Variants in ARHGAP6 observed in about 807,000 individuals in gnomAD.
ARHGAP6 encodes Rho GTPase activating protein 6.
Under a neutral mutation model 55.7 loss-of-function variants are expected in ARHGAP6, and 16 were observed. That is an observed-to-expected ratio of 0.29 (90% CI 0.19 to 0.44). ARHGAP6 has a LOEUF of 0.44. Ranked by LOEUF, ARHGAP6 falls within the 20% of genes least tolerant of loss-of-function variation. The probability of loss-of-function intolerance (pLI) is 1.00; values close to 1 mark genes in which losing one functional copy is unlikely to be tolerated. For missense variants in ARHGAP6, 698 were observed against 808.9 expected, an observed-to-expected ratio of 0.86 and a Z score of 1.66; for synonymous variants, 382 against 360.9, an observed-to-expected ratio of 1.06 and a Z score of -0.66.
At position 11,512,089 on chromosome X, in the gene ARHGAP6, G is replaced by C. The variant is rs766128410; in HGVS notation, c.588+152152C>G. Among the ~76,000 whole-genome samples, 7 of 111,604 alleles carry C rather than the reference G, an allele frequency of 6.3e-5. No homozygotes were observed. The South Asian group carries it at 2.6e-3, about 42-fold the overall frequency. On this transcript the variant is annotated intron_variant, in intron 1 of 12. Transcript: ENST00000337414. Reference sequence around the variant, plus strand: ...GATCTGTCCGCCTTGGCCTCCCAAAGTGCTGGGATTACAGGTGTGAGCCAC... The same window carrying C: ...GATCTGTCCGCCTTGGCCTCCCAAACTGCTGGGATTACAGGTGTGAGCCAC...
intron 1 of ARHGAP6, among the ~76,000 whole-genome samples, chrX:11,591,326 T>C (rs1407340658): frequency 4.5e-5 from 5 of 110,020 alleles, no homozygotes; most frequent in Non-Finnish European, 9.5e-5. Flanking sequence ...GGATTACTTT[T>C]TAACAACAGC....
At chrX:11,477,971 A>C (rs2050420464) in intron 1 of ARHGAP6, among the ~76,000 whole-genome samples, 1 of 112,178 alleles carries the variant, frequency 8.9e-6, no homozygotes, top group Admixed American at 9.4e-5. Flanking sequence ...TTAAGATGGC[A>C]TATTTTATTG....
chrX:11,461,294 G>A (rs1261376984), intron 1 of ARHGAP6, among the ~76,000 whole-genome samples: 4 of 112,043 alleles, frequency 3.6e-5, no homozygotes, highest in Non-Finnish European at 5.6e-5. Context: ...ACATGTTCAC[G>A]AAAGAGTAAG....
intron 1 of ARHGAP6, among the ~76,000 whole-genome samples, chrX:11,618,195 C>T (rs762147228): frequency 2.7e-5 from 3 of 111,419 alleles, no homozygotes; most frequent in East Asian, 2.8e-4. Flanking sequence ...TCCCTAGACC[C>T]TCCAGAATAA....
intron 7 of ARHGAP6, among the ~76,000 whole-genome samples, chrX:11,178,810 T>C: frequency 8.9e-6 from 1 of 111,949 alleles, no homozygotes. Context: ...GGCCTATCTC[T>C]CCTCTACCTC....
intron 1 of ARHGAP6, among the ~76,000 whole-genome samples, chrX:11,339,159 C>A (rs1462227899): frequency 8.9e-6 from 1 of 112,271 alleles, no homozygotes; most frequent in African/African-American, 3.2e-5. Context: ...AGGTGCTCAA[C>A]AAATATTTGC....
chrX:11,558,836 CAAAAAAAAAAAAAAAA>C (rs58936931), intron 1 of ARHGAP6, among the ~76,000 whole-genome samples: 10,539 of 30,545 alleles, frequency 0.35, 920 homozygotes, highest in South Asian at 0.54. Context: ...GATTCCATCT[CAAAAAAAAAAAAAAAA>C]AAAAAAAAAA....
chrX:11,529,881 C>A (rs1471276606), intron 1 of ARHGAP6, among the ~76,000 whole-genome samples: 2 of 111,653 alleles, frequency 1.8e-5, no homozygotes, highest in Non-Finnish European at 3.8e-5. Context: ...TCAGGAAATA[C>A]AACTTATTTC....
intron 1 of ARHGAP6, among the ~76,000 whole-genome samples, chrX:11,275,534 CT>C (rs764890146): frequency 5.8e-4 from 65 of 111,681 alleles, no homozygotes; most frequent in Non-Finnish European, 1.1e-4. Flanking sequence ...TCCTTTAACA[CT>C]TCCTCTCTGG....
chrX:11,277,710 T>TAA (rs543163653), intron 1 of ARHGAP6, among the ~76,000 whole-genome samples: 7 of 107,809 alleles, frequency 6.5e-5, no homozygotes, highest in South Asian at 4.0e-4. Flanking sequence ...TTTTTTTTTT[T>TAA]AAAAAAAAAT....
chrX:11,359,695 C>T (rs1393900121), intron 1 of ARHGAP6, among the ~76,000 whole-genome samples: 1 of 111,387 alleles, frequency 9.0e-6, no homozygotes, highest in Non-Finnish European at 1.9e-5. Context: ...AAAAACCCTT[C>T]AAAAAATTAA....
chrX:11,220,570 C>T (rs1425610611), intron 2 of ARHGAP6, among the ~76,000 whole-genome samples: 1 of 104,472 alleles, frequency 9.6e-6, no homozygotes, highest in African/African-American at 3.6e-5. Context: ...TACTTTACAG[C>T]CAAGCAAATG....
intron 1 of ARHGAP6, among the ~76,000 whole-genome samples, chrX:11,360,186 G>A (rs1216629391): frequency 1.6e-4 from 18 of 111,429 alleles, no homozygotes; most frequent in South Asian, 7.5e-4. Context: ...TACCAAAGCC[G>A]GGCAGAGACA....
chrX:11,182,902 C>T (rs1419766386), intron 5 of ARHGAP6, among the ~76,000 whole-genome samples: 2 of 111,034 alleles, frequency 1.8e-5, no homozygotes, highest in Admixed American at 1.9e-4. Flanking sequence ...AGGTGTGAGC[C>T]ACTGTGCCTA....
Position 11,548,210 on chromosome X carries a change from T to C in ARHGAP6, c.588+116031A>G, listed in dbSNP as rs1238260028. Among the ~76,000 whole-genome samples, 5 of 112,475 alleles carry C rather than the reference T, an allele frequency of 4.4e-5. No homozygotes were observed. In the East Asian group the frequency reaches 1.4e-3, roughly 31 times the overall value. On this transcript the variant is annotated intron_variant, in intron 1 of 12. Transcript: ENST00000337414. ...ATATATACAATGTGTAATGATCAAA[T>C]CAAGGTAATTAGCATATCTCCTGCC...
intron 1 of ARHGAP6, among the ~76,000 whole-genome samples, chrX:11,588,139 C>A (rs1230990511): frequency 8.9e-6 from 1 of 112,294 alleles, no homozygotes; most frequent in Non-Finnish European, 1.9e-5. Flanking sequence ...AATCTCCTGG[C>A]TTCCATCTCT....
Position 11,244,585 on chromosome X carries a change from C to T in ARHGAP6, c.748+9963G>A, listed in dbSNP as rs776247564. Among the ~76,000 whole-genome samples the T allele has an allele frequency of 8.0e-5, 9 of 112,172 alleles. No homozygotes were observed. In the South Asian group the frequency reaches 1.9e-3, roughly 23 times the overall value. On this transcript the variant is annotated intron_variant, in intron 2 of 12. Coordinates refer to ENST00000337414, the MANE Select transcript of ARHGAP6 (RefSeq NM_013427.3). ...ACTCAGCATTAAATTTCAACGTATA[C>T]GTATTTGCTTTTATTTTGCCCATGG...
At chrX:11,316,490 T>A (rs374154074) in intron 1 of ARHGAP6, among the ~76,000 whole-genome samples, 5 of 112,624 alleles carry the variant, frequency 4.4e-5, no homozygotes, top group African/African-American at 1.6e-4. Context: ...GACATACATA[T>A]ACAATTGTGA....
chrX:11,505,278 G>A (rs903209731), intron 1 of ARHGAP6, among the ~76,000 whole-genome samples: 2 of 111,017 alleles, frequency 1.8e-5, no homozygotes, highest in Non-Finnish European at 3.8e-5. Context: ...TACTATTATT[G>A]AGTGTTATAA....
Sources: gnomAD v4.1 joint callset for allele counts (sites outside exome capture counted in the v4.1 genomes callset) on GRCh38, gnomAD v4.1.1 for gene constraint, MANE v1.5 for transcripts, NCBI Gene and HGNC (gene_info 2026-07-23, HGNC 2026-07-21) for gene names.